PRPF8: variants seen among roughly 807,000 people sequenced by gnomAD.
PRPF8 encodes pre-mRNA processing factor 8.
A neutral mutation model predicts 285.9 loss-of-function variants in PRPF8; 64 were observed. The observed-to-expected ratio is 0.22, with a 90% CI of 0.18 to 0.28. PRPF8 has a LOEUF of 0.28. Among genes scored for constraint, PRPF8 ranks in the 10% least tolerant of loss-of-function variants. PRPF8 has a pLI of 1.00. For synonymous variants in PRPF8, 1,325 were observed against 1,118.2 expected, an observed-to-expected ratio of 1.18 and a Z score of -3.69; for missense variants, 1,426 against 3,026.7, an observed-to-expected ratio of 0.47 and a Z score of 12.41.
At position 1,676,389 on chromosome 17, in the gene PRPF8, A is replaced by G. The variant is rs1345421682; in HGVS notation, c.2389-19T>C. 3 of 1,614,084 alleles carry G rather than the reference A, an allele frequency of 1.9e-6. No homozygotes were observed. Among genetic ancestry groups the G allele is most frequent in the Non-Finnish European group, 2.5e-6 (3 of 1,180,016 alleles). ...GCCCGTCCTGTAAGGTGGACATGAA[A>G]TTAGCCTCCCGCTACAGCCCGATCC... On this transcript the variant is annotated intron_variant, in intron 16 of 42. Transcript: ENST00000304992. This position sits in a 1 kb window ranked among gnomAD's most constrained non-coding sequence, Gnocchi z 6.3.
At chr17:1,674,212 C>T (rs1173729372) in intron 21 of PRPF8, among the ~76,000 whole-genome samples, 1 of 152,014 alleles carries the variant, frequency 6.6e-6, no homozygotes, top group Non-Finnish European at 1.5e-5. Flanking sequence ...TTAGTAGAGA[C>T]GGGGTTTCAC....
Position 1,658,219 on chromosome 17 carries a change from G to C in PRPF8, c.5505+34C>G. The C allele has an allele frequency of 1.2e-6, 2 of 1,613,728 alleles. No individual in the cohort carries two copies. Among genetic ancestry groups the C allele is most frequent in the Non-Finnish European group, 1.7e-6 (2 of 1,179,994 alleles). On this transcript the variant is annotated intron_variant, in intron 34 of 42. Transcript: ENST00000304992. This position sits in a 1 kb window ranked among gnomAD's most constrained non-coding sequence, Gnocchi z 4.1. ...CACCCCAAGAATAAGAGGCAACATG[G>C]TTCTACAGCCTCTTCATCTTTAAAC...
chr17:1,663,477 C>G (rs1449121140), intron 24 of PRPF8, among the ~76,000 whole-genome samples: 2 of 151,980 alleles, frequency 1.3e-5, no homozygotes, highest in African/African-American at 4.8e-5. Flanking sequence ...CTCTGGGAGG[C>G]TGAGGCGGGC....
intron 24 of PRPF8, among the ~76,000 whole-genome samples, chr17:1,670,237 G>T (rs1357396135): frequency 2.0e-5 from 3 of 152,116 alleles, no homozygotes; most frequent in Non-Finnish European, 4.4e-5. Context: ...ATGTTCTCAG[G>T]AACTTCAAAC....
Position 1,661,258 on chromosome 17 carries a change from T to C in PRPF8, c.4338+13A>G. On this transcript the variant is annotated intron_variant, in intron 27 of 42. Transcript: ENST00000304992. The surrounding 1 kb of genome is among the most constrained non-coding windows in gnomAD (Gnocchi z 7.3). ...TTTTCCTGACTCAGGGAAAATCTGC[T>C]CCCTCTACATACCTGATACTGCTTA... The C allele has an allele frequency of 6.2e-7, 1 of 1,614,140 alleles. No homozygotes were observed. Among genetic ancestry groups the C allele is most frequent in the Non-Finnish European group, 8.5e-7 (1 of 1,180,030 alleles).
In PRPF8 at chr17:1,676,064, G is replaced by C; in HGVS notation, c.2553-10C>G. On this transcript the variant is annotated splice_polypyrimidine_tract_variant and intron_variant, in intron 17 of 42. Coordinates refer to ENST00000304992, the MANE Select transcript of PRPF8 (RefSeq NM_006445.4). The surrounding 1 kb of genome is among the most constrained non-coding windows in gnomAD (Gnocchi z 6.3). ...CAACCGAGACTTCACACTGACAAAA[G>C]CAATGGGAAGGGTGAATGGGAAAAC... 7 of 1,612,836 alleles carry C rather than the reference G, an allele frequency of 4.3e-6. No homozygotes were observed. Among genetic ancestry groups the C allele is most frequent in the Non-Finnish European group, 5.9e-6 (7 of 1,180,006 alleles).
chr17:1,660,674 C>A, intron 29 of PRPF8, 24 bp downstream of exon 29: 2 of 1,614,212 alleles, frequency 1.2e-6, no homozygotes, highest in Non-Finnish European at 1.7e-6. Context: ...TTAGCTTCCC[C>A]TCTCCAGTGT....
At chr17:1,666,298 C>G (rs1015361503) in intron 24 of PRPF8, among the ~76,000 whole-genome samples, 12 of 152,016 alleles carry the variant, frequency 7.9e-5, no homozygotes, top group African/African-American at 2.7e-4. Flanking sequence ...ACCTACAATC[C>G]CAGCACTTTG....
At chr17:1,652,037 G>A (rs1254739692) in intron 39 of PRPF8, 5 of 598,670 alleles carry the variant, frequency 8.4e-6, no homozygotes, top group South Asian at 3.9e-5. Flanking sequence ...AAGCTCCCCA[G>A]CTGATTATTA....
chr17:1,680,996 G>A lies in PRPF8; in HGVS notation c.925C>T (p.Arg309Cys). The A allele has an allele frequency of 1.2e-6, 2 of 1,613,056 alleles. No homozygotes were observed. The highest frequency in any genetic ancestry group is 1.6e-4 in the Middle Eastern group (1 of 6,062). Residue 309 changes from arginine to cysteine, a missense_variant, in exon 7 of 43, where the codon CGC becomes TGC. By Grantham distance (180) the Arg-to-Cys change is radical. This residue lies in a region of PRPF8 where 157 missense variants were observed against 159.6 expected (regional missense o/e 0.98). Transcript: ENST00000304992. ...GGAAAAGCAATCTTGTACTCAGTGC[G>A]GATAGGCTGCCGGATGATAATCTTG... The part of the protein sequence containing the change: ...INKIIIRQPI[R>C]TEYKIAFPYL...
chr17:1,655,643 T>C (rs1911334276), intron 36 of PRPF8, 100 bp from the exon 37 acceptor site: 1 of 1,101,830 alleles, frequency 9.1e-7, no homozygotes, highest in Non-Finnish European at 1.4e-6. Context: ...TTTTTTTCTT[T>C]TGAGACAGAG....
chr17:1,673,278 T>C lies in PRPF8; in HGVS notation c.3657+79A>G, dbSNP rs993321021. ...CAACTGTGCCCACCACTCAAGTCTT[T>C]CCACCCAACAAGACTCCGGTGACTG... On this transcript the variant is annotated intron_variant, in intron 23 of 42. Coordinates refer to ENST00000304992, the MANE Select transcript of PRPF8 (RefSeq NM_006445.4). This position sits in a 1 kb window ranked among gnomAD's most constrained non-coding sequence, Gnocchi z 5.5. 4.1e-5 allele frequency: 65 copies of C among 1,603,430 alleles called. No homozygotes were observed. Among genetic ancestry groups the C allele is most frequent in the Admixed American group, 1.3e-4 (8 of 59,894 alleles).
chr17:1,678,994 C>T (rs1417260338), intron 11 of PRPF8, 23 bp downstream of exon 11: 6 of 1,613,740 alleles, frequency 3.7e-6, no homozygotes, highest in Non-Finnish European at 4.2e-6. Context: ...GCCCAGGAGG[C>T]CCCTAGGGTC....
At chr17:1,662,204 G>T in intron 24 of PRPF8, 51 bp from the exon 25 acceptor site, 1 of 1,604,800 alleles carries the variant, frequency 6.2e-7, no homozygotes. Context: ...GGGGCGGGGA[G>T]GGTGGAGACT....
Position 1,651,869 on chromosome 17 carries a change from T to C in PRPF8, c.6370-81A>G. 1 of 1,526,050 alleles carries C rather than the reference T, an allele frequency of 6.6e-7. No homozygotes were observed. The highest frequency in any genetic ancestry group is 9.1e-7 in the Non-Finnish European group (1 of 1,104,210). 94.5% of individuals were successfully genotyped at this position (1,526,050 alleles called of 1,614,324 possible). On this transcript the variant is annotated intron_variant, in intron 39 of 42. Transcript: ENST00000304992. This position sits in a 1 kb window ranked among gnomAD's most constrained non-coding sequence, Gnocchi z 5.1. ...AGCTGCCAGCCCTCTGTTTCCTTCC[T>C]TCCCCCAAGAACGAGGACAGAGTTT...
Position 1,659,284 on chromosome 17 carries a change from C to T in PRPF8, c.5138+73G>A. ...CAGACAATCTGCCCACCGCGGCCTCCCAAAGTGCTGGGATTACAGGTGTGA... is the reference window on the plus strand; with the variant it reads ...CAGACAATCTGCCCACCGCGGCCTCTCAAAGTGCTGGGATTACAGGTGTGA... On this transcript the variant is annotated intron_variant, in intron 32 of 42. Coordinates refer to ENST00000304992, the MANE Select transcript of PRPF8 (RefSeq NM_006445.4). This position sits in a 1 kb window ranked among gnomAD's most constrained non-coding sequence, Gnocchi z 5.1. 2 of 1,576,012 alleles carry T rather than the reference C, an allele frequency of 1.3e-6. No homozygotes were observed. The highest frequency in any genetic ancestry group is 1.7e-6 in the Non-Finnish European group (2 of 1,147,480).
At position 1,658,792 on chromosome 17, in the gene PRPF8, T is replaced by C; in HGVS notation, c.5139-29A>G. On this transcript the variant is annotated intron_variant, in intron 32 of 42. Coordinates refer to ENST00000304992, the MANE Select transcript of PRPF8 (RefSeq NM_006445.4). The surrounding 1 kb of genome is among the most constrained non-coding windows in gnomAD (Gnocchi z 4.1). ...TGAGGATAAAAGGGTCAAGAAAAGT[T>C]AAGACGAGAATGACAGCCCCAGAAA... is the stretch of plus-strand genomic sequence containing the variant. 6.3e-7 allele frequency: 1 copy of C among 1,598,764 alleles called. No homozygotes were observed. The highest frequency in any genetic ancestry group is 2.2e-5 in the East Asian group (1 of 44,812).
Position 1,655,269 on chromosome 17 carries a change from C to G in PRPF8, c.5987+81G>C, listed in dbSNP as rs1445191417. 6.5e-6 allele frequency: 10 copies of G among 1,537,818 alleles called. 1 individual carries two copies. The East Asian group carries it at 2.1e-4, about 32-fold the overall frequency. On this transcript the variant is annotated intron_variant, in intron 37 of 42. Coordinates refer to ENST00000304992, the MANE Select transcript of PRPF8 (RefSeq NM_006445.4). ...CACCGCGCCTGGCCTTCTTGAGAAACTTCTAAGCCTAAGTGCTTCCAAAAA... is the reference window on the plus strand; with the variant it reads ...CACCGCGCCTGGCCTTCTTGAGAAAGTTCTAAGCCTAAGTGCTTCCAAAAA...
Position 1,651,960 on chromosome 17 carries a change from T to C in PRPF8, c.6370-172A>G. On this transcript the variant is annotated intron_variant, in intron 39 of 42. Transcript: ENST00000304992. This position sits in a 1 kb window ranked among gnomAD's most constrained non-coding sequence, Gnocchi z 5.1. ...GGGTGCTTGTTCAAAATGTTAGACA[T>C]GGACCTCATCGCGGACTTACCACAT... is the stretch of plus-strand genomic sequence containing the variant. The C allele has an allele frequency of 1.2e-6, 1 of 834,038 alleles. No homozygotes were observed. Among genetic ancestry groups the C allele is most frequent in the Non-Finnish European group, 2.0e-6 (1 of 508,900 alleles). 51.7% of individuals were successfully genotyped at this position (834,038 alleles called of 1,614,324 possible). A position where few individuals can be genotyped will look rare whatever the true frequency, so the allele number is the denominator to read the frequency against.
Sources: allele counts gnomAD v4.1 joint callset (sites outside exome capture counted in the v4.1 genomes callset), GRCh38; gene constraint gnomAD v4.1.1; regional missense constraint gnomAD v4.1.1; non-coding constraint Gnocchi (gnomAD v3.1); transcripts MANE v1.5; gene names NCBI Gene and HGNC (gene_info 2026-07-23, HGNC 2026-07-21).